Variants in MAPKAPK2 observed in about 807,000 individuals in gnomAD.
The protein encoded by MAPKAPK2 is MAPK activated protein kinase 2, also known as MAP kinase-activated protein kinase 2.
A neutral mutation model predicts 48.8 loss-of-function variants in MAPKAPK2; 9 were observed. That is an observed-to-expected ratio of 0.18 (90% CI 0.11 to 0.32). The LOEUF (loss-of-function observed/expected upper bound fraction) is 0.32. MAPKAPK2 is among the 10% of genes least tolerant of loss of function. The pLI is 1.00. For synonymous variants in MAPKAPK2, 202 were observed against 190.6 expected, an observed-to-expected ratio of 1.06 and a Z score of -0.49; for missense variants, 331 against 498.3, an observed-to-expected ratio of 0.66 and a Z score of 3.20.
intron 1 of MAPKAPK2, among the ~76,000 whole-genome samples, chr1:206,696,872 G>A (rs1672644141): frequency 1.3e-5 from 2 of 152,228 alleles, no homozygotes; most frequent in Non-Finnish European, 2.9e-5. Flanking sequence ...GAGTGGGATA[G>A]TACTGGGCTG....
rs975516563 is a variant in MAPKAPK2, at chr1:206,704,261, G to T, written c.279+18753G>T. Among the ~76,000 whole-genome samples, 7 of 152,202 alleles carry T rather than the reference G, an allele frequency of 4.6e-5. No individual in the cohort carries two copies. Among genetic ancestry groups the T allele is most frequent in the Non-Finnish European group, 1.0e-4 (7 of 68,032 alleles). Reference sequence around the variant, plus strand: ...GTTGAAGATTTACGCCTGTCTGAGTGTCTCTCACTCGTTGTTACCTGTCCA... The same window carrying T: ...GTTGAAGATTTACGCCTGTCTGAGTTTCTCTCACTCGTTGTTACCTGTCCA... On this transcript the variant is annotated intron_variant, in intron 1 of 9. Transcript: ENST00000367103. This position sits in a 1 kb window ranked among gnomAD's most constrained non-coding sequence, Gnocchi z 4.3.
At chr1:206,721,348 T>C (rs1195456825) in intron 1 of MAPKAPK2, among the ~76,000 whole-genome samples, 1 of 152,200 alleles carries the variant, frequency 6.6e-6, no homozygotes, top group African/African-American at 2.4e-5. Context: ...GATTACCCAG[T>C]CTCAGGTATT....
At chr1:206,712,962 T>TCTCACACACACACACA (rs1553429738) in intron 1 of MAPKAPK2, among the ~76,000 whole-genome samples, 1 of 112,230 alleles carries the variant, frequency 8.9e-6, no homozygotes, top group Non-Finnish European at 1.8e-5. Context: ...TGAGACTCCA[T>TCTCACACACACACACA]CACACACACA....
chr1:206,691,480 A>AAG lies in MAPKAPK2; in HGVS notation c.279+5974_279+5975dup, dbSNP rs1672450403. On this transcript the variant is annotated intron_variant, in intron 1 of 9. Transcript: ENST00000367103. The stretch of plus-strand genomic sequence containing the variant: ...GGAAAATACTGGTATTTTGTATTTT[A>AAG]AGATATATATATATATATATATATA... 1.1e-3 allele frequency among the ~76,000 whole-genome samples: 5 copies of AAG among 4,716 alleles called. No individual in the cohort carries two copies. In the South Asian group the frequency reaches 0.02, roughly 19 times the overall value. 3.1% of individuals were successfully genotyped at this position (4,716 alleles called of 152,430 possible).
chr1:206,721,990 G>A (rs1251540287), intron 1 of MAPKAPK2, among the ~76,000 whole-genome samples: 9 of 151,934 alleles, frequency 5.9e-5, no homozygotes, highest in South Asian at 2.1e-4. Flanking sequence ...ACTTGAACCC[G>A]GGAGGTGGAG....
At chr1:206,711,906 C>G (rs940452092) in intron 1 of MAPKAPK2, among the ~76,000 whole-genome samples, 1 of 152,124 alleles carries the variant, frequency 6.6e-6, no homozygotes, top group Non-Finnish European at 1.5e-5. Context: ...TACAGGTGTG[C>G]GTCACTGTGC....
At chr1:206,715,453 G>A (rs529442141) in intron 1 of MAPKAPK2, among the ~76,000 whole-genome samples, 4 of 152,162 alleles carry the variant, frequency 2.6e-5, no homozygotes, top group Admixed American at 2.6e-4. Flanking sequence ...TGACATTTGT[G>A]GCTGCCTCCT....
In MAPKAPK2 at chr1:206,730,246, G is replaced by A. The variant is rs1458035747; in HGVS notation, c.691+148G>A. 1.4e-5 allele frequency: 13 copies of A among 960,960 alleles called. No individual in the cohort carries two copies. In the African/African-American group the frequency reaches 1.8e-4, roughly 13 times the overall value. The allele number at this position is 960,960 out of a possible 1,614,324, so 59.5% of individuals were successfully genotyped here. A position where few individuals can be genotyped will look rare whatever the true frequency, so the allele number is the denominator to read the frequency against. ...TGGTTCTGCTGGGACCTGCTGAGAAGTAGGGCTTGTCAGAGCGAAGCTACA... is the reference window on the plus strand; with the variant it reads ...TGGTTCTGCTGGGACCTGCTGAGAAATAGGGCTTGTCAGAGCGAAGCTACA... On this transcript the variant is annotated intron_variant, in intron 5 of 9. Coordinates refer to ENST00000367103, the MANE Select transcript of MAPKAPK2 (RefSeq NM_032960.4).
chr1:206,695,770 C>CTT, intron 1 of MAPKAPK2: 1 of 199,972 alleles, frequency 5.0e-6, no homozygotes, highest in Non-Finnish European at 9.2e-6. Context: ...CTCTCTCTCT[C>CTT]TCTTTTTTTT....
chr1:206,703,492 T>C (rs1572489252), intron 1 of MAPKAPK2, among the ~76,000 whole-genome samples: 1 of 152,046 alleles, frequency 6.6e-6, no homozygotes, highest in Admixed American at 6.6e-5. Flanking sequence ...AGGTGGGAGG[T>C]GCTTCCTTAG....
At chr1:206,688,738 C>T (rs986738972) in intron 1 of MAPKAPK2, among the ~76,000 whole-genome samples, 23 of 152,118 alleles carry the variant, frequency 1.5e-4, no homozygotes, top group Admixed American at 1.2e-3. Context: ...CCCAGGTCCA[C>T]GCCATTCTGC....
chr1:206,692,118 A>G (rs1672480753), intron 1 of MAPKAPK2, among the ~76,000 whole-genome samples: 1 of 152,204 alleles, frequency 6.6e-6, no homozygotes, highest in Non-Finnish European at 1.5e-5. Context: ...TTTCTGGTGC[A>G]GGCTGTTCCC....
Position 206,732,772 on chromosome 1 carries a change from A to G in MAPKAPK2, c.*54A>G, listed in dbSNP as rs1437964330. 1.3e-5 allele frequency: 21 copies of G among 1,595,410 alleles called. No homozygotes were observed. In the Admixed American group the frequency reaches 1.7e-4, roughly 13 times the overall value. On this transcript the variant is annotated 3_prime_UTR_variant, in exon 10 of 10. Coordinates refer to ENST00000367103, the MANE Select transcript of MAPKAPK2 (RefSeq NM_032960.4). This position sits in a 1 kb window ranked among gnomAD's most constrained non-coding sequence, Gnocchi z 4.4. Reference sequence around the variant, plus strand: ...ACAAGCAATAACTCTCTACAGGAATATATTTTTTAAACGAAGAGACAGAAC... The same window carrying G: ...ACAAGCAATAACTCTCTACAGGAATGTATTTTTTAAACGAAGAGACAGAAC...
In MAPKAPK2 at chr1:206,695,050, G is replaced by A. The variant is rs529467015; in HGVS notation, c.279+9542G>A. Among the ~76,000 whole-genome samples, 4 of 152,318 alleles carry A rather than the reference G, an allele frequency of 2.6e-5. No homozygotes were observed. The South Asian group carries it at 6.2e-4, about 24-fold the overall frequency. On this transcript the variant is annotated intron_variant, in intron 1 of 9. Transcript: ENST00000367103. ...CATACCCTTTGTGTTCTCTTCCCCT[G>A]ATGTGCTTTAGTGACCTGTGCTCAC...
intron 1 of MAPKAPK2, among the ~76,000 whole-genome samples, chr1:206,714,600 C>T (rs1210944727): frequency 6.8e-6 from 1 of 147,882 alleles, no homozygotes; most frequent in Non-Finnish European, 1.5e-5. Context: ...CCTGTCTCTA[C>T]TTAAAAAAAA....
chr1:206,690,986 G>A (rs1672438876), intron 1 of MAPKAPK2, among the ~76,000 whole-genome samples: 1 of 152,210 alleles, frequency 6.6e-6, no homozygotes, highest in Admixed American at 6.5e-5. Flanking sequence ...GGAGGGAGGT[G>A]GATGGGCAGA....
intron 1 of MAPKAPK2, among the ~76,000 whole-genome samples, chr1:206,705,350 A>G (rs1672922078): frequency 6.6e-6 from 1 of 152,102 alleles, no homozygotes; most frequent in African/African-American, 2.4e-5. Context: ...TGGCATGAAA[A>G]CACTGAATAG....
At chr1:206,691,482 G>GAGATATAT (rs1553426249) in intron 1 of MAPKAPK2, among the ~76,000 whole-genome samples, 2 of 77,294 alleles carry the variant, frequency 2.6e-5, no homozygotes, top group Non-Finnish European at 5.6e-5. Context: ...TGTATTTTAA[G>GAGATATAT]ATATATATAT....
rs1673945597 is a variant in MAPKAPK2, at chr1:206,732,381, C to T, written c.1060-194C>T. On this transcript the variant is annotated intron_variant, in intron 9 of 9. Coordinates refer to ENST00000367103, the MANE Select transcript of MAPKAPK2 (RefSeq NM_032960.4). The surrounding 1 kb of genome is among the most constrained non-coding windows in gnomAD (Gnocchi z 4.4). Reference sequence around the variant, plus strand: ...AGCAGCAGTGCCATAGCCAGGCTCTCTGCTGCCCAGCGCTGGGGTGAGGCT... The same window carrying T: ...AGCAGCAGTGCCATAGCCAGGCTCTTTGCTGCCCAGCGCTGGGGTGAGGCT... 3 of 1,449,888 alleles carry T rather than the reference C, an allele frequency of 2.1e-6. No homozygotes were observed. The highest frequency in any genetic ancestry group is 2.6e-4 in the Middle Eastern group (1 of 3,888). 89.8% of individuals were successfully genotyped at this position (1,449,888 alleles called of 1,614,324 possible). A position where few individuals can be genotyped will look rare whatever the true frequency, so the allele number is the denominator to read the frequency against.
Sources: gnomAD v4.1 joint callset for allele counts (sites outside exome capture counted in the v4.1 genomes callset) on GRCh38, gnomAD v4.1.1 for gene constraint, Gnocchi (gnomAD v3.1) non-coding constraint, MANE v1.5 for transcripts, NCBI Gene and HGNC (gene_info 2026-07-23, HGNC 2026-07-21) for gene names.